XYLT1: variants seen among roughly 807,000 people sequenced by gnomAD.
XYLT1 encodes beta-D-xylosyltransferase 1.
Under a neutral mutation model 91.3 loss-of-function variants are expected in XYLT1, and 36 were observed. That is an observed-to-expected ratio of 0.39 (90% CI 0.30 to 0.52). XYLT1 has a LOEUF of 0.52. Among genes scored for constraint, XYLT1 ranks in the 20% least tolerant of loss-of-function variants. The pLI is 0.68. For missense variants in XYLT1, 1,242 were observed against 1,284.5 expected (o/e 0.97, Z 0.51); for synonymous variants, 588 against 532.0 (o/e 1.11, Z -1.45).
In XYLT1 at chr16:17,158,864, CAT is replaced by C; in HGVS notation, c.1333_1334del (p.Met445GlufsTer84). ...CCCGGCCGTGTGACTTCAAGAAATTCATATCTCGGTATCGGGAGAGAAACGCC... is the reference window on the plus strand; with the variant it reads ...CCCGGCCGTGTGACTTCAAGAAATTCATCTCGGTATCGGGAGAGAAACGCC... The part of the protein sequence containing the change: ...LVAFLSRYRD[M>X]NFLKSHGRDN... On this transcript the variant is annotated frameshift_variant, in exon 6 of 12. Transcript: ENST00000261381. LOFTEE classifies it high-confidence loss of function. The C allele has an allele frequency of 6.2e-7, 1 of 1,614,082 alleles. No individual in the cohort carries two copies. Among genetic ancestry groups the C allele is most frequent in the Non-Finnish European group, 8.5e-7 (1 of 1,180,000 alleles).
At chr16:17,287,336 C>T (rs1159320761) in intron 2 of XYLT1, among the ~76,000 whole-genome samples, 2 of 152,118 alleles carry the variant, frequency 1.3e-5, no homozygotes, top group Non-Finnish European at 2.9e-5. Context: ...CAGGCAAACG[C>T]TCAGAACGTA....
At chr16:17,217,589 C>A (rs1177424569) in intron 3 of XYLT1, among the ~76,000 whole-genome samples, 1 of 152,232 alleles carries the variant, frequency 6.6e-6, no homozygotes, top group Non-Finnish European at 1.5e-5. Flanking sequence ...TCCTTCCCTT[C>A]TCAAATGTTC....
chr16:17,244,998 A>G (rs2033413442), intron 3 of XYLT1, among the ~76,000 whole-genome samples: 1 of 152,168 alleles, frequency 6.6e-6, no homozygotes, highest in African/African-American at 2.4e-5. Flanking sequence ...CATCAGTTTC[A>G]TATGATTTAT....
intron 1 of XYLT1, among the ~76,000 whole-genome samples, chr16:17,390,033 A>G (rs1198614672): frequency 2.6e-5 from 4 of 151,738 alleles, no homozygotes; most frequent in South Asian, 4.2e-4. Context: ...TAATCACTTC[A>G]CCCCCTGCCC....
intron 6 of XYLT1, among the ~76,000 whole-genome samples, chr16:17,142,493 G>C (rs944128220): frequency 2.0e-5 from 3 of 146,496 alleles, no homozygotes; most frequent in African/African-American, 7.5e-5. Flanking sequence ...GAGTGCAGTG[G>C]CATGATCTTG....
intron 1 of XYLT1, among the ~76,000 whole-genome samples, chr16:17,437,873 G>C (rs1290224972): frequency 6.6e-6 from 1 of 152,202 alleles, no homozygotes; most frequent in Non-Finnish European, 1.5e-5. Context: ...GCAGCAAAGA[G>C]GCTGAATACT....
intron 2 of XYLT1, among the ~76,000 whole-genome samples, chr16:17,343,076 C>A (rs780393086): frequency 6.6e-6 from 1 of 152,216 alleles, no homozygotes. Flanking sequence ...AAACACCTCA[C>A]GGCCAACATG....
intron 2 of XYLT1, among the ~76,000 whole-genome samples, chr16:17,347,635 C>A (rs899027512): frequency 1.3e-5 from 2 of 152,220 alleles, no homozygotes; most frequent in African/African-American, 2.4e-5. Flanking sequence ...CATTCTGGGA[C>A]CTCTCCTCCA....
intron 3 of XYLT1, among the ~76,000 whole-genome samples, chr16:17,244,801 GTATCCA>G (rs2033408629): frequency 6.6e-6 from 1 of 152,142 alleles, no homozygotes; most frequent in African/African-American, 2.4e-5. Flanking sequence ...ACACTGTGGT[GTATCCA>G]TACCCAGAGT....
chr16:17,444,450 C>T (rs1043489307), intron 1 of XYLT1, among the ~76,000 whole-genome samples: 12 of 152,070 alleles, frequency 7.9e-5, no homozygotes, highest in Non-Finnish European at 1.6e-4. Context: ...ATCTTCCTGC[C>T]TCAACCTCCC....
intron 2 of XYLT1, among the ~76,000 whole-genome samples, chr16:17,311,525 G>A (rs1480671910): frequency 2.0e-5 from 3 of 152,102 alleles, no homozygotes; most frequent in East Asian, 1.9e-4. Flanking sequence ...ACCACGCTTC[G>A]AGAACAGCTG....
At chr16:17,179,240 G>T (rs1413078757) in intron 5 of XYLT1, among the ~76,000 whole-genome samples, 1 of 152,098 alleles carries the variant, frequency 6.6e-6, no homozygotes, top group African/African-American at 2.4e-5. Context: ...TCCTTGAGGA[G>T]GCAGGGAGGG....
chr16:17,316,182 A>G (rs1212721278), intron 2 of XYLT1, among the ~76,000 whole-genome samples: 1 of 152,206 alleles, frequency 6.6e-6, no homozygotes, highest in African/African-American at 2.4e-5. Flanking sequence ...TCCACAGGAA[A>G]TTAAGCTTAT....
chr16:17,395,607 C>T (rs982755019), intron 1 of XYLT1, among the ~76,000 whole-genome samples: 1 of 150,938 alleles, frequency 6.6e-6, no homozygotes, highest in Non-Finnish European at 1.5e-5. Context: ...ATTATTCTTG[C>T]TCATTATAAT....
intron 5 of XYLT1, among the ~76,000 whole-genome samples, chr16:17,194,752 G>T (rs1289602609): frequency 6.6e-6 from 1 of 152,202 alleles, no homozygotes; most frequent in East Asian, 1.9e-4. Context: ...AGACGAAACT[G>T]GTTCTAATCC....
At chr16:17,449,794 C>T (rs1370236807) in intron 1 of XYLT1, among the ~76,000 whole-genome samples, 1 of 152,138 alleles carries the variant, frequency 6.6e-6, no homozygotes, top group Admixed American at 6.5e-5. Context: ...TGACAAGAAC[C>T]CATGGAACAA....
chr16:17,109,264 G>A (rs1352540577), intron 11 of XYLT1, among the ~76,000 whole-genome samples: 4 of 152,138 alleles, frequency 2.6e-5, no homozygotes, highest in Admixed American at 6.5e-5. Context: ...TGTTTATAGC[G>A]CATCTTTGAT....
chr16:17,117,961 C>A lies in XYLT1; in HGVS notation c.2242G>T (p.Ala748Ser), dbSNP rs2029903032. The A allele has an allele frequency of 3.1e-6, 5 of 1,611,916 alleles. No homozygotes were observed. The South Asian group carries it at 4.4e-5, about 14-fold the overall frequency. The stretch of plus-strand genomic sequence containing the variant: ...AAGTTGCGGAATAGCCTCTCCTTGG[C>A]ATCCCAGTCAGTGCCGACCTGAAAC... ...QFSEVGTDWDAKERLFRNFGG... is the reference protein window; with the variant it reads ...QFSEVGTDWDSKERLFRNFGG... Residue 748 changes from alanine (A) to serine (S), a missense_variant, in exon 11 of 12, where the codon GCC (alanine) becomes TCC (serine). Physicochemically the swap from Ala to Ser is moderately conservative, Grantham distance 99 (BLOSUM62 1). Transcript: ENST00000261381.
intron 6 of XYLT1, among the ~76,000 whole-genome samples, chr16:17,154,509 C>G (rs2031358832): frequency 6.6e-6 from 1 of 152,208 alleles, no homozygotes; most frequent in Non-Finnish European, 1.5e-5. Flanking sequence ...TGAGCCAAGG[C>G]CAGGGACTTG....
Sources: gnomAD v4.1 joint callset for allele counts (sites outside exome capture counted in the v4.1 genomes callset) on GRCh38, gnomAD v4.1.1 for gene constraint, MANE v1.5 for transcripts, NCBI Gene and HGNC (gene_info 2026-07-23, HGNC 2026-07-21) for gene names.